FHL5: variants seen among roughly 807,000 people sequenced by gnomAD.
FHL5 encodes four and a half LIM domains protein 5.
Under a neutral mutation model 32.0 loss-of-function variants are expected in FHL5, and 33 were observed. That is an observed-to-expected ratio of 1.03 (90% CI 0.78 to 1.38). The LOEUF (loss-of-function observed/expected upper bound fraction) is 1.38. Among genes scored for constraint, FHL5 ranks in the 40% most tolerant of loss-of-function variants. The probability of loss-of-function intolerance (pLI) is 0.00; values close to 1 mark genes in which losing one functional copy is unlikely to be tolerated. For missense variants in FHL5, 336 were observed against 343.9 expected (o/e 0.98, Z 0.18); for synonymous variants, 114 against 113.6 (o/e 1.00, Z -0.02).
intron 1 of FHL5, among the ~76,000 whole-genome samples, chr6:96,581,977 A>G (rs766735847): frequency 9.2e-5 from 14 of 152,146 alleles, no homozygotes; most frequent in Non-Finnish European, 2.1e-4. Flanking sequence ...TGCCCCAACC[A>G]TGTGCTGAGC....
intron 1 of FHL5, among the ~76,000 whole-genome samples, chr6:96,594,687 A>G (rs1439407900): frequency 6.6e-6 from 1 of 152,046 alleles, no homozygotes; most frequent in East Asian, 1.9e-4. Context: ...TTTAAAATGT[A>G]TCATATATCT....
chr6:96,572,782 C>T (rs1248467275), intron 1 of FHL5, among the ~76,000 whole-genome samples: 1 of 152,186 alleles, frequency 6.6e-6, no homozygotes, highest in East Asian at 1.9e-4. Flanking sequence ...ATCCTGCTTA[C>T]CTCCTCACCA....
Position 96,610,737 on chromosome 6 carries a change from G to T in FHL5, c.670G>T (p.Ala224Ser). The change falls in exon 5 of 6, where the codon GCC becomes TCC. Residue 224 changes from alanine to serine, a missense_variant. By Grantham distance (99) the Ala-to-Ser change is moderately conservative. Transcript: ENST00000450218. ...CCATCTTTATGCCAACAAGTGTGTAGCCTGTTCCAAACCCATTAGTGGTGA... is the reference window on the plus strand; with the variant it reads ...CCATCTTTATGCCAACAAGTGTGTATCCTGTTCCAAACCCATTAGTGGTGA... ...YNHLYANKCV[A>S]CSKPISGLTG... The T allele has an allele frequency of 1.2e-6, 2 of 1,613,284 alleles. No homozygotes were observed. The highest frequency in any genetic ancestry group is 1.7e-6 in the Non-Finnish European group (2 of 1,179,404).
intron 1 of FHL5, among the ~76,000 whole-genome samples, chr6:96,587,145 A>C (rs1466558617): frequency 2.0e-5 from 3 of 152,214 alleles, no homozygotes; most frequent in African/African-American, 7.2e-5. Context: ...TTATTATCAG[A>C]GTGTTTGGAG....
intron 1 of FHL5, among the ~76,000 whole-genome samples, chr6:96,575,083 A>C (rs1396074915): frequency 6.6e-6 from 1 of 152,218 alleles, no homozygotes; most frequent in African/African-American, 2.4e-5. Flanking sequence ...GATTATTTTC[A>C]TTTAAACTAT....
At chr6:96,595,390 T>C (rs1050371473) in intron 1 of FHL5, among the ~76,000 whole-genome samples, 2 of 151,872 alleles carry the variant, frequency 1.3e-5, no homozygotes, top group African/African-American at 2.4e-5. Flanking sequence ...AAGATCATCT[T>C]TGTCTCTGGA....
intron 1 of FHL5, among the ~76,000 whole-genome samples, chr6:96,599,523 A>C (rs2127970605): frequency 6.6e-6 from 1 of 152,236 alleles, no homozygotes; most frequent in Non-Finnish European, 1.5e-5. Flanking sequence ...AGAAATCTAA[A>C]ATTTAAAGGA....
intron 1 of FHL5, among the ~76,000 whole-genome samples, chr6:96,571,862 G>A (rs1281325594): frequency 6.6e-6 from 1 of 152,144 alleles, no homozygotes; most frequent in Non-Finnish European, 1.5e-5. Context: ...GGATAGTGGT[G>A]CTCAGCAGTA....
rs1201649847 is a variant in FHL5, at chr6:96,584,419, GA to G, written c.-12-19181del. ...GAATAGGGAGACACTGGAAGTGGCT[GA>G]AGCACAGGTGGGATATGTGTGTGTG... On this transcript the variant is annotated intron_variant, in intron 1 of 5. Transcript: ENST00000450218. 9.3e-5 allele frequency among the ~76,000 whole-genome samples: 14 copies of G among 150,584 alleles called. 1 individual carries two copies.
At chr6:96,583,592 A>T (rs1770737794) in intron 1 of FHL5, among the ~76,000 whole-genome samples, 1 of 152,150 alleles carries the variant, frequency 6.6e-6, no homozygotes, top group South Asian at 2.1e-4. Context: ...TTAAACTGTT[A>T]GTGGAAGCTC....
chr6:96,582,816 GT>G (rs925505282), intron 1 of FHL5, among the ~76,000 whole-genome samples: 9 of 151,920 alleles, frequency 5.9e-5, no homozygotes, highest in Non-Finnish European at 8.8e-5. Context: ...TGTTTGTTGA[GT>G]TTTTTTTAAG....
intron 5 of FHL5, among the ~76,000 whole-genome samples, chr6:96,613,306 T>C (rs1226889599): frequency 6.6e-6 from 1 of 152,242 alleles, no homozygotes; most frequent in Non-Finnish European, 1.5e-5. Context: ...GTGTAATTTT[T>C]AAAACCCATC....
intron 1 of FHL5, among the ~76,000 whole-genome samples, chr6:96,574,767 T>C (rs1402613065): frequency 6.6e-6 from 1 of 152,200 alleles, no homozygotes; most frequent in Admixed American, 6.5e-5. Context: ...CTATTCCAAA[T>C]AATATATATA....
intron 1 of FHL5, among the ~76,000 whole-genome samples, chr6:96,584,517 G>A (rs1190112914): frequency 6.6e-6 from 1 of 151,470 alleles, no homozygotes; most frequent in Non-Finnish European, 1.5e-5. Context: ...GAAAGGGCTG[G>A]AGATAGTGAG....
At chr6:96,601,128 G>C (rs931458670) in intron 1 of FHL5, among the ~76,000 whole-genome samples, 2 of 152,148 alleles carry the variant, frequency 1.3e-5, no homozygotes, top group Non-Finnish European at 2.9e-5. Flanking sequence ...GAGGTCAGGA[G>C]ATTGAGACCA....
intron 1 of FHL5, among the ~76,000 whole-genome samples, chr6:96,583,093 C>T (rs2971604): frequency 0.011 from 1,610 of 152,140 alleles, 31 homozygotes; most frequent in African/African-American, 0.037. Flanking sequence ...ACAACCAGCA[C>T]GAGAATCTGT....
chr6:96,594,200 G>A (rs1770980018), intron 1 of FHL5, among the ~76,000 whole-genome samples: 1 of 123,202 alleles, frequency 8.1e-6, no homozygotes, highest in African/African-American at 3.2e-5. Flanking sequence ...TGAAAGAACT[G>A]GAAAAGGATC....
chr6:96,604,404 CAA>C (rs1771225713), intron 2 of FHL5, among the ~76,000 whole-genome samples: 1 of 151,696 alleles, frequency 6.6e-6, no homozygotes, highest in Admixed American at 6.6e-5. Flanking sequence ...AGTTACATCT[CAA>C]AGAGTAATAG....
chr6:96,571,045 T>A (rs971221867), intron 1 of FHL5, among the ~76,000 whole-genome samples: 2 of 152,202 alleles, frequency 1.3e-5, no homozygotes, highest in Non-Finnish European at 2.9e-5. Flanking sequence ...CCTTTGTTGG[T>A]CTCTTATTTC....
Sources: gnomAD v4.1 joint callset for allele counts (sites outside exome capture counted in the v4.1 genomes callset) on GRCh38, gnomAD v4.1.1 for gene constraint, MANE v1.5 for transcripts, NCBI Gene and HGNC (gene_info 2026-07-23, HGNC 2026-07-21) for gene names.